SIK3: variants seen among roughly 807,000 people sequenced by gnomAD.
SIK3 encodes the protein serine/threonine-protein kinase SIK3.
A neutral mutation model predicts 144.2 loss-of-function variants in SIK3; 28 were observed. That is an observed-to-expected ratio of 0.19 (90% confidence interval 0.14 to 0.27). The LOEUF (loss-of-function observed/expected upper bound fraction) is 0.27. SIK3 is among the 10% of genes least tolerant of loss of function. SIK3 has a pLI of 1.00. For missense variants in SIK3, 1,319 were observed against 1,776.0 expected (o/e 0.74, Z 4.62); for synonymous variants, 686 against 676.3 (o/e 1.01, Z -0.22).
In SIK3 at chr11:117,013,967, C is replaced by CCTTTT. The variant is rs756680301; in HGVS notation, c.274-56904_274-56903insAAAAG. 5.4e-4 allele frequency among the ~76,000 whole-genome samples: 4 copies of CCTTTT among 7,370 alleles called. 1 individual carries two copies. The highest frequency in any genetic ancestry group is 1.3e-3 in the Non-Finnish European group (4 of 3,044). The allele number at this position is 7,370 out of a possible 152,430, so 4.8% of individuals were successfully genotyped here. A position where few individuals can be genotyped will look rare whatever the true frequency, so the allele number is the denominator to read the frequency against. On this transcript the variant is annotated intron_variant, in intron 1 of 24. Transcript: ENST00000445177. ...GTGTGTGTGTTTTATTTCTTTTTTT[C>CCTTTT]TTTTCTTTTTTTTTTTTTTTTTTTT... is the stretch of plus-strand genomic sequence containing the variant.
At chr11:116,875,298 A>G in intron 10 of SIK3, 31 bp from the exon 11 acceptor site, 1 of 1,613,332 alleles carries the variant, frequency 6.2e-7, no homozygotes, top group Non-Finnish European at 8.5e-7. Flanking sequence ...ATCGAGTTAG[A>G]AATCAGAAGG....
At chr11:117,001,562 T>C (rs1194666448) in intron 1 of SIK3, among the ~76,000 whole-genome samples, 2 of 152,076 alleles carry the variant, frequency 1.3e-5, no homozygotes. Context: ...CTCACGTCTA[T>C]AGTCCCAGCT....
chr11:117,073,292 C>A (rs1954360495), intron 1 of SIK3, among the ~76,000 whole-genome samples: 1 of 152,164 alleles, frequency 6.6e-6, no homozygotes. Flanking sequence ...ACTCTTTCAG[C>A]CCAAATCATC....
intron 1 of SIK3, 68 bp downstream of exon 1, chr11:117,098,075 G>C: frequency 8.2e-7 from 1 of 1,226,496 alleles, no homozygotes. Context: ...CCGACCCCCC[G>C]GCTGGGGGGC....
Position 116,868,034 on chromosome 11 carries a change from C to G in SIK3, c.1864G>C (p.Glu622Gln). The G allele has an allele frequency of 6.4e-7, 1 of 1,550,620 alleles. No individual in the cohort carries two copies. Among genetic ancestry groups the G allele is most frequent in the East Asian group, 2.4e-5 (1 of 40,926 alleles). Residue 622 changes from glutamate to glutamine, a missense_variant, in exon 15 of 25, where the codon GAG becomes CAG. Physicochemically the swap from Glu to Gln is conservative, Grantham distance 29 (BLOSUM62 2). Transcript: ENST00000445177. ...HTLAMTNPTA[E>Q]IPPDLQRQLG... The stretch of plus-strand genomic sequence containing the variant: ...TGCCGTTGTAGGTCCGGTGGGATCT[C>G]AGCTGTAGGGTTGGTCATGGCCAGT...
chr11:117,056,574 T>TAGATATAGATATAGATATAG, intron 1 of SIK3, among the ~76,000 whole-genome samples: 1 of 119,894 alleles, frequency 8.3e-6, no homozygotes, highest in Non-Finnish European at 1.7e-5. Flanking sequence ...GATATAGATA[T>TAGATATAGATATAGATATAG]AGATATAGAT....
In SIK3 at chr11:116,882,105, C is replaced by T. The variant is rs536842923; in HGVS notation, c.866-5063G>A. 2.6e-5 allele frequency among the ~76,000 whole-genome samples: 4 copies of T among 152,180 alleles called. No individual in the cohort carries two copies. The East Asian group carries it at 5.8e-4, about 22-fold the overall frequency. The stretch of plus-strand genomic sequence containing the variant: ...AGATGCCATGTCATCTTCACAGGTT[C>T]CATCATGACAGAATCACCCACAAGC... On this transcript the variant is annotated intron_variant, in intron 6 of 24. Coordinates refer to ENST00000445177, the MANE Select transcript of SIK3 (RefSeq NM_001366686.3).
At chr11:117,034,380 A>G (rs1350461883) in intron 1 of SIK3, among the ~76,000 whole-genome samples, 1 of 152,234 alleles carries the variant, frequency 6.6e-6, no homozygotes, top group African/African-American at 2.4e-5. Context: ...AGGCAAGGAC[A>G]TGAATGCTAA....
intron 1 of SIK3, among the ~76,000 whole-genome samples, chr11:117,064,931 C>T (rs1182498880): frequency 3.3e-5 from 5 of 152,044 alleles, no homozygotes; most frequent in African/African-American, 7.2e-5. Context: ...GGGCAGATCA[C>T]GAGGTCAGGA....
intron 1 of SIK3, among the ~76,000 whole-genome samples, chr11:116,967,034 A>C (rs976759895): frequency 9.9e-5 from 15 of 151,324 alleles, no homozygotes; most frequent in African/African-American, 3.2e-4. Flanking sequence ...AAAGAAAAAG[A>C]AAAGAAAAAA....
chr11:117,066,402 A>T (rs1164476467), intron 1 of SIK3, among the ~76,000 whole-genome samples: 1 of 152,080 alleles, frequency 6.6e-6, no homozygotes, highest in Non-Finnish European at 1.5e-5. Flanking sequence ...GACACTGCTG[A>T]AAGAATGAAA....
intron 3 of SIK3, among the ~76,000 whole-genome samples, chr11:116,951,483 G>A (rs949789282): frequency 7.2e-5 from 11 of 151,836 alleles, no homozygotes; most frequent in African/African-American, 1.5e-4. Context: ...AAGTAATTGC[G>A]GTTTTTGCCA....
At chr11:116,875,559 A>C (rs1944207493) in intron 9 of SIK3, 108 bp from the exon 10 acceptor site, 1 of 1,287,470 alleles carries the variant, frequency 7.8e-7, no homozygotes, top group East Asian at 2.5e-5. Context: ...CTGATTACTA[A>C]AGTTTTTGGT....
intron 1 of SIK3, among the ~76,000 whole-genome samples, chr11:117,021,267 A>G (rs1300853777): frequency 2.0e-5 from 3 of 152,224 alleles, no homozygotes; most frequent in Non-Finnish European, 4.4e-5. Flanking sequence ...AAAAATAAAC[A>G]TTAAACCTTC....
At chr11:116,892,209 G>A (rs1344929901) in intron 6 of SIK3, among the ~76,000 whole-genome samples, 2 of 152,206 alleles carry the variant, frequency 1.3e-5, no homozygotes, top group Non-Finnish European at 2.9e-5. Context: ...GCTCCAGAAA[G>A]ATGTTGTAAA....
intron 2 of SIK3, among the ~76,000 whole-genome samples, chr11:116,954,578 A>C (rs1407041021): frequency 6.6e-6 from 1 of 152,062 alleles, no homozygotes; most frequent in East Asian, 1.9e-4. Context: ...TTTTTATAGA[A>C]ATGACAACTT....
At chr11:116,888,519 C>T (rs1008446583) in intron 6 of SIK3, among the ~76,000 whole-genome samples, 4 of 152,166 alleles carry the variant, frequency 2.6e-5, no homozygotes, top group African/African-American at 4.8e-5. Flanking sequence ...CCTAAATAAC[C>T]GATGAATTCA....
chr11:117,088,537 GAATATCT>G (rs1407230323), intron 1 of SIK3, among the ~76,000 whole-genome samples: 34 of 152,262 alleles, frequency 2.2e-4, no homozygotes, highest in Admixed American at 1.3e-3. Flanking sequence ...TGTACTCAAT[GAATATCT>G]GCAGACATTG....
chr11:116,980,565 T>C (rs933532030), intron 1 of SIK3, among the ~76,000 whole-genome samples: 5 of 152,196 alleles, frequency 3.3e-5, no homozygotes, highest in African/African-American at 4.8e-5. Flanking sequence ...TGAAAAATCA[T>C]AATCAGGTCA....
Sources: allele counts gnomAD v4.1 joint callset (sites outside exome capture counted in the v4.1 genomes callset), GRCh38; gene constraint gnomAD v4.1.1; transcripts MANE v1.5; gene names NCBI Gene and HGNC (gene_info 2026-07-23, HGNC 2026-07-21).